Variants in ILDR2 observed in about 807,000 individuals in gnomAD.
ILDR2 encodes the protein immunoglobulin like domain containing receptor 2, also known as immunoglobulin-like domain-containing receptor 2.
ILDR2 carries 25 observed loss-of-function variants against 66.8 expected under a neutral mutation model. The ratio of observed to expected loss-of-function variants is 0.37; its 90% CI spans 0.27 to 0.52. ILDR2 has a LOEUF of 0.52. ILDR2 is among the 20% of genes least tolerant of loss of function. ILDR2 has a pLI of 0.88. For missense variants in ILDR2, 827 were observed against 876.8 expected, an observed-to-expected ratio of 0.94 and a Z score of 0.72; for synonymous variants, 367 against 357.2, an observed-to-expected ratio of 1.03 and a Z score of -0.31.
intron 7 of ILDR2, among the ~76,000 whole-genome samples, chr1:166,925,912 T>TCCCTGACTCACTCTGTCTCTGGC (rs1485229243): frequency 1.1e-4 from 16 of 152,218 alleles, no homozygotes; most frequent in Non-Finnish European, 2.1e-4. Flanking sequence ...TCCTCTGTGG[T>TCCCTGACTCACTCTGTCTCTGGC]CCCTGACTCA....
At chr1:166,899,360 T>C (rs1455819021) in intron 2 of ILDR2, among the ~76,000 whole-genome samples, 2 of 148,812 alleles carry the variant, frequency 1.3e-5, no homozygotes, top group African/African-American at 5.0e-5. Context: ...GCCACTGCAC[T>C]CCAGCCTGGG....
At chr1:166,922,460 G>C (rs1660008406) in intron 8 of ILDR2, 133 bp downstream of exon 8, 6 of 712,626 alleles carry the variant, frequency 8.4e-6, no homozygotes, top group Non-Finnish European at 1.5e-5. Context: ...CCTGTAGAAA[G>C]AGAGATGTGT....
intron 1 of ILDR2, among the ~76,000 whole-genome samples, chr1:166,973,914 C>T (rs1487172836): frequency 6.6e-6 from 1 of 152,058 alleles, no homozygotes; most frequent in East Asian, 1.9e-4. Flanking sequence ...AGTGGGGCAA[C>T]GGCAATGTTA....
chr1:166,912,212 A>C lies in ILDR2; in HGVS notation c.*7143T>G, dbSNP rs932697466. The C allele has an allele frequency of 2.6e-5, 4 of 152,214 alleles. No homozygotes were observed. The highest frequency in any genetic ancestry group is 2.6e-4 in the Admixed American group (4 of 15,282). 9.4% of individuals were successfully genotyped at this position (152,214 alleles called of 1,614,324 possible). A position where few individuals can be genotyped will look rare whatever the true frequency, so the allele number is the denominator to read the frequency against. ...AATAAAAGTCAGAAGGGAGTGTAAT[A>C]ATAACTTCAATGTCCTGAAAGAAAA... On this transcript the variant is annotated 3_prime_UTR_variant, in exon 10 of 10. Coordinates refer to ENST00000271417, the MANE Select transcript of ILDR2 (RefSeq NM_199351.3).
chr1:166,941,256 A>G (rs1557943388), intron 3 of ILDR2, among the ~76,000 whole-genome samples: 1 of 152,188 alleles, frequency 6.6e-6, no homozygotes, highest in Non-Finnish European at 1.5e-5. Flanking sequence ...TGCAGCTGAC[A>G]TGGTAAGATT....
rs1659431692 is a variant in ILDR2, at chr1:166,909,775, AT to A, written c.*9579del. ...TATATATATAAATATATATAAATATATATATTTATATATATATATATATATA... is the reference window on the plus strand; with the variant it reads ...TATATATATAAATATATATAAATATAATATTTATATATATATATATATATA... On this transcript the variant is annotated 3_prime_UTR_variant, in exon 10 of 10. Transcript: ENST00000271417. 4 of 65,156 alleles carry A rather than the reference AT, an allele frequency of 6.1e-5. No homozygotes were observed. The highest frequency in any genetic ancestry group is 1.1e-4 in the Non-Finnish European group (4 of 37,226). The allele number at this position is 65,156 out of a possible 1,614,324, so 4.0% of individuals were successfully genotyped here.
Position 166,920,924 on chromosome 1 carries a change from G to T in ILDR2, c.1667C>A (p.Ala556Glu). 1 of 1,478,546 alleles carries T rather than the reference G, an allele frequency of 6.8e-7. No homozygotes were observed. 91.6% of individuals were successfully genotyped at this position (1,478,546 alleles called of 1,614,324 possible). ...GGAGGCGCTGCGCGGGCCGAGCTGC[G>T]CGCTCCGCTTGGATGGCGTCTCCAG... is the stretch of plus-strand genomic sequence containing the variant. ...GSLETPSKRS[A>E]QLGPRSASYY... Residue 556 changes from alanine (A) to glutamate (E), a missense_variant, in exon 9 of 10, where the codon GCG becomes GAG. By Grantham distance (107) the Ala-to-Glu change is moderately radical. This residue lies in a region of ILDR2 where 390 missense variants were observed against 353.6 expected (regional missense o/e 1.10). Transcript: ENST00000271417.
At chr1:166,947,841 T>TAGTGAGGCGGAATAAAGGC (rs909475425) in intron 3 of ILDR2, among the ~76,000 whole-genome samples, 3 of 151,608 alleles carry the variant, frequency 2.0e-5, no homozygotes, top group Non-Finnish European at 4.4e-5. Flanking sequence ...GAAGCAAAAA[T>TAGTGAGGCGGAATAAAGGC]AGTGAGGCGG....
chr1:166,927,806 T>C (rs1247620555), intron 6 of ILDR2, among the ~76,000 whole-genome samples: 1 of 152,250 alleles, frequency 6.6e-6, no homozygotes, highest in Admixed American at 6.5e-5. Flanking sequence ...TTCATTTCTT[T>C]AGCATTTTCC....
intron 1 of ILDR2, among the ~76,000 whole-genome samples, chr1:166,970,986 G>A (rs1484525905): frequency 6.6e-6 from 1 of 152,190 alleles, no homozygotes; most frequent in East Asian, 1.9e-4. Flanking sequence ...TCTTTCTCCA[G>A]GGCTAATAAC....
downstream of ILDR2, among the ~76,000 whole-genome samples, chr1:166,904,847 A>G (rs1659314549): frequency 6.6e-6 from 1 of 152,122 alleles, no homozygotes; most frequent in Admixed American, 6.5e-5. Flanking sequence ...CGTTCTCTGG[A>G]GCACATCTTC....
intron 7 of ILDR2, among the ~76,000 whole-genome samples, chr1:166,925,706 G>A (rs987202171): frequency 2.0e-5 from 3 of 152,128 alleles, no homozygotes; most frequent in East Asian, 1.9e-4. Flanking sequence ...ACACTACAAA[G>A]GTTAACCTAG....
chr1:166,901,436 C>T (rs1557918919), intron 2 of ILDR2, among the ~76,000 whole-genome samples: 2 of 152,166 alleles, frequency 1.3e-5, no homozygotes, highest in African/African-American at 4.8e-5. Context: ...AGCAAGAAAG[C>T]CCCCCAACCA....
chr1:166,957,159 G>C (rs186255577), intron 2 of ILDR2, among the ~76,000 whole-genome samples: 1 of 152,330 alleles, frequency 6.6e-6, no homozygotes, highest in Admixed American at 6.5e-5. Flanking sequence ...CTAAGAGCCA[G>C]GAAAATGCCA....
At chr1:166,919,872 C>T (rs988307092) in intron 9 of ILDR2, among the ~76,000 whole-genome samples, 1 of 152,108 alleles carries the variant, frequency 6.6e-6, no homozygotes, top group Non-Finnish European at 1.5e-5. Flanking sequence ...TCATAAAAAA[C>T]GGAATGGTGG....
chr1:166,947,748 G>A (rs537752726), intron 3 of ILDR2, among the ~76,000 whole-genome samples: 7 of 152,294 alleles, frequency 4.6e-5, no homozygotes, highest in Non-Finnish European at 1.0e-4. Flanking sequence ...GCTCCTGCCC[G>A]GGGTAACCAC....
rs1462894778 is a variant in ILDR2 at position 166,917,221 on chromosome 1, C to A, written c.*2134G>T. 2.6e-5 allele frequency: 4 copies of A among 152,246 alleles called. No individual in the cohort carries two copies. The highest frequency in any genetic ancestry group is 9.6e-5 in the African/African-American group (4 of 41,452). 9.4% of individuals were successfully genotyped at this position (152,246 alleles called of 1,614,324 possible). A position where few individuals can be genotyped will look rare whatever the true frequency, so the allele number is the denominator to read the frequency against. ...CTGGGTTCAACTGTTCTCCTGATTTCTCTGGGACTGGCCAAAGCAACACGG... is the reference window on the plus strand; with the variant it reads ...CTGGGTTCAACTGTTCTCCTGATTTATCTGGGACTGGCCAAAGCAACACGG... On this transcript the variant is annotated 3_prime_UTR_variant, in exon 10 of 10. Transcript: ENST00000271417.
At chr1:166,964,813 A>G (rs889666415) in intron 1 of ILDR2, among the ~76,000 whole-genome samples, 1 of 152,218 alleles carries the variant, frequency 6.6e-6, no homozygotes, top group African/African-American at 2.4e-5. Flanking sequence ...AAAAGATTCT[A>G]TATATGATGA....
downstream of ILDR2, among the ~76,000 whole-genome samples, chr1:166,905,665 A>G (rs555329733): frequency 3.9e-5 from 6 of 152,320 alleles, no homozygotes; most frequent in African/African-American, 9.6e-5. Flanking sequence ...GAGCCTGGGA[A>G]TAGTAATTGT....
Sources: gnomAD v4.1 joint callset for allele counts (sites outside exome capture counted in the v4.1 genomes callset) on GRCh38, gnomAD v4.1.1 for gene constraint, gnomAD v4.1.1 regional missense constraint, MANE v1.5 for transcripts, NCBI Gene and HGNC (gene_info 2026-07-23, HGNC 2026-07-21) for gene names.